Variants in NKAIN2 observed in about 807,000 individuals in gnomAD.
NKAIN2 encodes the protein sodium/potassium transporting ATPase interacting 2, also known as sodium/potassium-transporting ATPase subunit beta-1-interacting protein 2.
In NKAIN2, 14 loss-of-function variants were observed where a neutral mutation model predicts 32.6. The ratio of observed to expected loss-of-function variants is 0.43; its 90% CI spans 0.28 to 0.67. The LOEUF (loss-of-function observed/expected upper bound fraction) is 0.67. Among genes scored for constraint, NKAIN2 ranks in the 30% least tolerant of loss-of-function variants. NKAIN2 has a pLI of 0.17. For missense variants in NKAIN2, 198 were observed against 258.3 expected (o/e 0.77, Z 1.60); for synonymous variants, 80 against 87.2 (o/e 0.92, Z 0.46).
intron 1 of NKAIN2, among the ~76,000 whole-genome samples, chr6:124,224,255 A>T (rs1216058608): frequency 6.6e-6 from 1 of 152,096 alleles, no homozygotes; most frequent in Non-Finnish European, 1.5e-5. Context: ...TTTGAAGGAG[A>T]GACTCCTGAT....
At chr6:124,065,668 T>A (rs1048592322) in intron 1 of NKAIN2, among the ~76,000 whole-genome samples, 14 of 152,152 alleles carry the variant, frequency 9.2e-5, no homozygotes, top group African/African-American at 3.4e-4. Flanking sequence ...CGGTAAGAAA[T>A]AAATTTCTAT....
intron 2 of NKAIN2, among the ~76,000 whole-genome samples, chr6:124,305,130 A>G (rs1264702206): frequency 1.3e-5 from 2 of 152,188 alleles, no homozygotes; most frequent in Non-Finnish European, 2.9e-5. Flanking sequence ...TTTGAAGAAG[A>G]GTTTTTCATT....
At chr6:123,933,388 A>C (rs553373891) in intron 1 of NKAIN2, among the ~76,000 whole-genome samples, 2 of 152,332 alleles carry the variant, frequency 1.3e-5, no homozygotes, top group African/African-American at 2.4e-5. Flanking sequence ...CACAGTATAT[A>C]GTTTGTAGCT....
intron 5 of NKAIN2, among the ~76,000 whole-genome samples, chr6:124,805,788 G>A (rs1780521992): frequency 6.6e-6 from 1 of 152,186 alleles, no homozygotes; most frequent in African/African-American, 2.4e-5. Context: ...ACAGAGAAGT[G>A]CTTAAAGGAG....
At chr6:124,192,646 A>G (rs1004942676) in intron 1 of NKAIN2, among the ~76,000 whole-genome samples, 2 of 151,174 alleles carry the variant, frequency 1.3e-5, no homozygotes, top group Non-Finnish European at 2.9e-5. Context: ...ATATCCTTAC[A>G]GATTTTTTTT....
chr6:124,150,284 G>T (rs1244958259), intron 1 of NKAIN2, among the ~76,000 whole-genome samples: 5 of 151,830 alleles, frequency 3.3e-5, no homozygotes, highest in Non-Finnish European at 7.4e-5. Context: ...ATTTGTTTTT[G>T]TGAAAGTTTT....
intron 1 of NKAIN2, among the ~76,000 whole-genome samples, chr6:124,229,871 A>G (rs1792355789): frequency 6.6e-6 from 1 of 152,182 alleles, no homozygotes; most frequent in South Asian, 2.1e-4. Context: ...AGTCTCAGGT[A>G]TGTCTTTATC....
At chr6:124,647,341 G>A (rs949394359) in intron 3 of NKAIN2, among the ~76,000 whole-genome samples, 39 of 151,664 alleles carry the variant, frequency 2.6e-4, no homozygotes, top group African/African-American at 8.2e-4. Context: ...GAGGTCAGGA[G>A]TTCAAGACCA....
chr6:124,210,844 T>C (rs1271794543), intron 1 of NKAIN2, among the ~76,000 whole-genome samples: 1 of 151,826 alleles, frequency 6.6e-6, no homozygotes, highest in Non-Finnish European at 1.5e-5. Context: ...TTTTTGGTGG[T>C]GTCTTTAGGT....
At chr6:123,858,226 C>T (rs901489203) in intron 1 of NKAIN2, among the ~76,000 whole-genome samples, 3 of 152,000 alleles carry the variant, frequency 2.0e-5, no homozygotes, top group African/African-American at 7.3e-5. Flanking sequence ...AGCGATTCTC[C>T]TGCCTCAGCC....
intron 1 of NKAIN2, among the ~76,000 whole-genome samples, chr6:123,880,068 C>A (rs950353373): frequency 6.6e-6 from 1 of 151,954 alleles, no homozygotes; most frequent in South Asian, 2.1e-4. Flanking sequence ...AGATCCTGGG[C>A]GAGAAGGGCA....
chr6:124,518,625 C>A (rs886877466), intron 3 of NKAIN2, among the ~76,000 whole-genome samples: 4 of 152,062 alleles, frequency 2.6e-5, no homozygotes, highest in Admixed American at 1.3e-4. Flanking sequence ...ATAGGTCTAC[C>A]CCCATGACTC....
chr6:124,200,178 A>T (rs963050341), intron 1 of NKAIN2, among the ~76,000 whole-genome samples: 1 of 152,170 alleles, frequency 6.6e-6, no homozygotes, highest in Admixed American at 6.5e-5. Context: ...TTGCCAATGA[A>T]CACTCACTGC....
chr6:124,480,262 G>A (rs1159159871), intron 3 of NKAIN2, among the ~76,000 whole-genome samples: 1 of 152,096 alleles, frequency 6.6e-6, no homozygotes, highest in Non-Finnish European at 1.5e-5. Flanking sequence ...AATATTTAGT[G>A]AGCAGGTGGC....
intron 2 of NKAIN2, among the ~76,000 whole-genome samples, chr6:124,290,931 C>T (rs547959704): frequency 1.8e-4 from 27 of 152,110 alleles, no homozygotes; most frequent in African/African-American, 5.5e-4. Flanking sequence ...CATTTTACTC[C>T]GATGTCAACT....
intron 1 of NKAIN2, among the ~76,000 whole-genome samples, chr6:124,184,076 T>G (rs1375456330): frequency 1.1e-4 from 16 of 152,120 alleles, no homozygotes; most frequent in Non-Finnish European, 1.3e-4. Flanking sequence ...GAAAAGTCAT[T>G]GTCTCTTATC....
chr6:124,168,988 A>C (rs185289715), intron 1 of NKAIN2, among the ~76,000 whole-genome samples: 4 of 152,302 alleles, frequency 2.6e-5, no homozygotes, highest in Admixed American at 2.6e-4. Flanking sequence ...TAGTTAAAAA[A>C]TTCACAAAAC....
intron 1 of NKAIN2, among the ~76,000 whole-genome samples, chr6:123,978,573 C>T (rs1168285152): frequency 6.6e-6 from 1 of 152,062 alleles, no homozygotes; most frequent in African/African-American, 2.4e-5. Context: ...CTCCTAGTCT[C>T]CCAGAAAAAT....
At chr6:124,401,457 C>T (rs1220673167) in intron 3 of NKAIN2, among the ~76,000 whole-genome samples, 2 of 152,128 alleles carry the variant, frequency 1.3e-5, no homozygotes, top group African/African-American at 4.8e-5. Context: ...TCTCTAGATG[C>T]TTTTGGGGGA....
Sources: allele counts gnomAD v4.1 joint callset (sites outside exome capture counted in the v4.1 genomes callset), GRCh38; gene constraint gnomAD v4.1.1; transcripts MANE v1.5; gene names NCBI Gene and HGNC (gene_info 2026-07-23, HGNC 2026-07-21).